Variants in CBFA2T3 observed in about 807,000 individuals in gnomAD.
The protein encoded by CBFA2T3 is CBFA2/RUNX1 partner transcriptional co-repressor 3, also known as transcriptional corepressor CBFA2T3.
Under a neutral mutation model 58.6 loss-of-function variants are expected in CBFA2T3, and 31 were observed. The ratio of observed to expected loss-of-function variants is 0.53; its 90% CI spans 0.40 to 0.71. CBFA2T3 has a LOEUF of 0.71. Among genes scored for constraint, CBFA2T3 ranks in the 30% least tolerant of loss-of-function variants. The pLI is 0.00. For missense variants in CBFA2T3, 1,076 were observed against 963.1 expected, an observed-to-expected ratio of 1.12 and a Z score of -1.55; for synonymous variants, 531 against 421.9, an observed-to-expected ratio of 1.26 and a Z score of -3.17.
At chr16:88,899,284 G>A (rs149039755) in intron 2 of CBFA2T3, among the ~76,000 whole-genome samples, 73 of 152,274 alleles carry the variant, frequency 4.8e-4, no homozygotes, top group Non-Finnish European at 9.0e-4. Context: ...CACCAGCCAG[G>A]GGCAGGGGTG....
intron 10 of CBFA2T3, among the ~76,000 whole-genome samples, chr16:88,880,307 G>A (rs1447996850): frequency 6.6e-6 from 1 of 152,084 alleles, no homozygotes; most frequent in East Asian, 1.9e-4. Context: ...CTCCCCCAAG[G>A]CTGATTCCCA....
rs1969372363 is a variant in CBFA2T3 at position 88,886,311 on chromosome 16, A to G, written c.712-169T>C. On this transcript the variant is annotated intron_variant, in intron 5 of 11. Coordinates refer to ENST00000268679, the MANE Select transcript of CBFA2T3 (RefSeq NM_005187.6). ...CCTCAAGTTCCTTCCTAGCAGTGCC[A>G]TGGGAGGGTGGCGTGGGAGGGTGGG... 1.2e-5 allele frequency: 3 copies of G among 246,574 alleles called. No individual in the cohort carries two copies. The Admixed American group carries it at 1.5e-4, about 12-fold the overall frequency. 15.3% of individuals were successfully genotyped at this position (246,574 alleles called of 1,614,324 possible).
At chr16:88,880,557 C>G (rs1969026708) in intron 10 of CBFA2T3, among the ~76,000 whole-genome samples, 163 bp downstream of exon 10, 1 of 152,210 alleles carries the variant, frequency 6.6e-6, no homozygotes, top group African/African-American at 2.4e-5. Flanking sequence ...AAGTGTGAAC[C>G]TACTCTGACC....
chr16:88,883,159 T>A (rs1597661415), intron 7 of CBFA2T3: 3 of 301,960 alleles, frequency 9.9e-6, no homozygotes, highest in East Asian at 1.8e-4. Flanking sequence ...GGGAAGGCTT[T>A]GTTAGACTAA....
chr16:88,903,968 C>T (rs911004752), intron 1 of CBFA2T3, among the ~76,000 whole-genome samples: 14 of 152,208 alleles, frequency 9.2e-5, no homozygotes, highest in African/African-American at 3.4e-4. Context: ...GGGCGCTGGA[C>T]GGGCGCTCGT....
chr16:88,891,186 C>A (rs34203489), intron 5 of CBFA2T3, among the ~76,000 whole-genome samples: 1 of 151,886 alleles, frequency 6.6e-6, no homozygotes, highest in African/African-American at 2.4e-5. Context: ...GCCCTCACCT[C>A]TGCTCTCTCC....
Position 88,976,894 on chromosome 16 carries a change from G to A in CBFA2T3, c.-87C>T. The A allele has an allele frequency of 6.9e-7, 1 of 1,456,904 alleles. No homozygotes were observed. Among genetic ancestry groups the A allele is most frequent in the South Asian group, 1.3e-5 (1 of 74,398 alleles). 90.2% of individuals were successfully genotyped at this position (1,456,904 alleles called of 1,614,324 possible). A position where few individuals can be genotyped will look rare whatever the true frequency, so the allele number is the denominator to read the frequency against. On this transcript the variant is annotated 5_prime_UTR_variant, in exon 1 of 12. Coordinates refer to ENST00000268679, the MANE Select transcript of CBFA2T3 (RefSeq NM_005187.6). The stretch of plus-strand genomic sequence containing the variant: ...TTCCCGACCTCCTGCAGCCTTGAGG[G>A]AAAGAGGAGGGGCTGGGCCAGCTGG...
intron 8 of CBFA2T3, 62 bp downstream of exon 8, chr16:88,882,610 CTGTG>C (rs201514188): frequency 2.2e-5 from 21 of 965,842 alleles, no homozygotes; most frequent in South Asian, 9.9e-5. Flanking sequence ...GTGTGCGTGG[CTGTG>C]TGTGTGCGTG....
chr16:88,947,129 T>G (rs1380947484), intron 1 of CBFA2T3, among the ~76,000 whole-genome samples: 2 of 152,208 alleles, frequency 1.3e-5, no homozygotes, highest in African/African-American at 2.4e-5. Context: ...TCATCGGTTG[T>G]AACGAATGTA....
chr16:88,902,242 G>T (rs866040576), intron 1 of CBFA2T3, among the ~76,000 whole-genome samples: 1 of 152,220 alleles, frequency 6.6e-6, no homozygotes, highest in East Asian at 1.9e-4. Context: ...CCGGCAGGCA[G>T]GCCATTTAGG....
chr16:88,970,827 C>T lies in CBFA2T3; in HGVS notation c.151+5830G>A, dbSNP rs370896022. ...CAAGCAGGCACCAGAGCCCCTGTCT[C>T]GTGCAGCCGACGCTGGGGGCCGGGG... On this transcript the variant is annotated intron_variant, in intron 1 of 11. Coordinates refer to ENST00000268679, the MANE Select transcript of CBFA2T3 (RefSeq NM_005187.6). Among the ~76,000 whole-genome samples, 49 of 152,362 alleles carry T rather than the reference C, an allele frequency of 3.2e-4. 1 individual carries two copies. In the South Asian group the frequency reaches 7.9e-3, roughly 24 times the overall value.
chr16:88,884,995 T>C (rs534269815), intron 7 of CBFA2T3, 51 bp downstream of exon 7: 70 of 1,384,586 alleles, frequency 5.1e-5, no homozygotes, highest in Admixed American at 2.7e-4. Flanking sequence ...TGTGGGCGCA[T>C]GTGTGCTCCT....
At chr16:88,923,687 G>C (rs538583211) in intron 1 of CBFA2T3, among the ~76,000 whole-genome samples, 1 of 152,218 alleles carries the variant, frequency 6.6e-6, no homozygotes, top group Non-Finnish European at 1.5e-5. Context: ...TCCGCAACCC[G>C]GCTCACACAT....
At chr16:88,911,083 C>A (rs1970516033) in intron 1 of CBFA2T3, among the ~76,000 whole-genome samples, 2 of 152,258 alleles carry the variant, frequency 1.3e-5, no homozygotes, top group African/African-American at 4.8e-5. Context: ...ACCCTCCCGC[C>A]CCCACAGGGA....
At chr16:88,907,264 G>A (rs1440303807) in intron 1 of CBFA2T3, among the ~76,000 whole-genome samples, 1 of 152,154 alleles carries the variant, frequency 6.6e-6, no homozygotes, top group East Asian at 1.9e-4. Context: ...CCAGCACAAG[G>A]GGGTCCCTGG....
intron 1 of CBFA2T3, among the ~76,000 whole-genome samples, chr16:88,934,073 C>T (rs1254527296): frequency 6.6e-6 from 1 of 152,252 alleles, no homozygotes. Flanking sequence ...TTCCCTTTTT[C>T]AACGTGGCCA....
In CBFA2T3 at chr16:88,953,373, C is replaced by T. The variant is rs1356461529; in HGVS notation, c.151+23284G>A. ...AGCGTGGGGAGAGCCAGCCAGGCTC[C>T]CCATGTCCACCCAGATGGTGAGCTG... On this transcript the variant is annotated intron_variant, in intron 1 of 11. Transcript: ENST00000268679. This position sits in a 1 kb window ranked among gnomAD's most constrained non-coding sequence, Gnocchi z 4.9. Among the ~76,000 whole-genome samples the T allele has an allele frequency of 6.6e-6, 1 of 152,194 alleles. No individual in the cohort carries two copies. Among genetic ancestry groups the T allele is most frequent in the African/African-American group, 2.4e-5 (1 of 41,450 alleles).
Position 88,892,625 on chromosome 16 carries a change from C to T in CBFA2T3, c.380-140G>A, listed in dbSNP as rs539497299. 1.3e-4 allele frequency: 134 copies of T among 1,030,252 alleles called. No individual in the cohort carries two copies. In the African/African-American group the frequency reaches 1.7e-3, roughly 13 times the overall value. The allele number at this position is 1,030,252 out of a possible 1,614,324, so 63.8% of individuals were successfully genotyped here. ...CAATGATGAGACACAAGGACAGTAGCGCTGAGGATGACAGCAGGAGCCCTG... is the reference window on the plus strand; with the variant it reads ...CAATGATGAGACACAAGGACAGTAGTGCTGAGGATGACAGCAGGAGCCCTG... On this transcript the variant is annotated intron_variant, in intron 3 of 11. Transcript: ENST00000268679.
chr16:88,894,009 A>G (rs1969759831), intron 3 of CBFA2T3, among the ~76,000 whole-genome samples: 1 of 152,130 alleles, frequency 6.6e-6, no homozygotes, highest in Admixed American at 6.5e-5. Flanking sequence ...TTCTGTCAGG[A>G]GGACTGAAGC....
Sources: gnomAD v4.1 joint callset for allele counts (sites outside exome capture counted in the v4.1 genomes callset) on GRCh38, gnomAD v4.1.1 for gene constraint, Gnocchi (gnomAD v3.1) non-coding constraint, MANE v1.5 for transcripts, NCBI Gene and HGNC (gene_info 2026-07-23, HGNC 2026-07-21) for gene names.